The following DLG2 variants were observed in gnomAD, a reference collection of about 807,000 sequenced individuals.
DLG2 encodes the protein discs large MAGUK scaffold protein 2.
DLG2 carries 45 observed loss-of-function variants against 132.5 expected under a neutral mutation model. The ratio of observed to expected loss-of-function variants is 0.34; its 90% confidence interval spans 0.27 to 0.44. The LOEUF is 0.44. DLG2 is among the 20% of genes least tolerant of loss of function. The pLI is 1.00. For synonymous variants in DLG2, 424 were observed against 419.6 expected, an observed-to-expected ratio of 1.01 and a Z score of -0.13; for missense variants, 1,045 against 1,196.9, an observed-to-expected ratio of 0.87 and a Z score of 1.87.
At chr11:85,391,019 AT>A (rs2086753055) in intron 3 of DLG2, among the ~76,000 whole-genome samples, 1 of 152,108 alleles carries the variant, frequency 6.6e-6, no homozygotes, top group Admixed American at 6.6e-5. Flanking sequence ...GAAAAGATAA[AT>A]AAAATTGATA....
intron 5 of DLG2, among the ~76,000 whole-genome samples, chr11:85,127,729 T>G (rs2075296895): frequency 6.6e-6 from 1 of 152,228 alleles, no homozygotes; most frequent in Non-Finnish European, 1.5e-5. Context: ...GGAAACCATT[T>G]GTTGCCTTGG....
At chr11:84,992,018 T>C (rs955683666) in intron 6 of DLG2, among the ~76,000 whole-genome samples, 2 of 152,188 alleles carry the variant, frequency 1.3e-5, no homozygotes, top group African/African-American at 4.8e-5. Context: ...CATCTAAGTT[T>C]TAAATCCATT....
intron 9 of DLG2, among the ~76,000 whole-genome samples, chr11:84,160,502 A>AAT (rs2095523316): frequency 6.6e-6 from 1 of 152,190 alleles, no homozygotes; most frequent in Admixed American, 6.5e-5. Flanking sequence ...AAATTTAAAA[A>AAT]ATGAGGTAAT....
chr11:84,736,894 T>A (rs1366532870), intron 6 of DLG2, among the ~76,000 whole-genome samples: 2 of 151,986 alleles, frequency 1.3e-5, no homozygotes, highest in African/African-American at 4.8e-5. Flanking sequence ...TCCAGAACAA[T>A]GTTGCACAAA....
chr11:83,602,547 A>G (rs1186965673), intron 19 of DLG2, among the ~76,000 whole-genome samples: 1 of 152,226 alleles, frequency 6.6e-6, no homozygotes, highest in African/African-American at 2.4e-5. Flanking sequence ...ACGTTAAACC[A>G]AGAAAGAGAT....
chr11:85,029,809 G>A (rs1056788706), intron 6 of DLG2, among the ~76,000 whole-genome samples: 2 of 152,158 alleles, frequency 1.3e-5, no homozygotes, highest in South Asian at 2.1e-4. Context: ...TCCTTCAAGT[G>A]ATTCTCCTGC....
intron 18 of DLG2, among the ~76,000 whole-genome samples, chr11:83,783,114 T>G (rs1227094277): frequency 6.6e-6 from 1 of 152,238 alleles, no homozygotes; most frequent in Admixed American, 6.5e-5. Flanking sequence ...AAGTGCATGA[T>G]AAAATTGAAT....
At chr11:84,969,864 G>T (rs1272339538) in intron 6 of DLG2, among the ~76,000 whole-genome samples, 1 of 152,156 alleles carries the variant, frequency 6.6e-6, no homozygotes, top group African/African-American at 2.4e-5. Context: ...CATGTCCTTT[G>T]CAGGGACATG....
At chr11:84,617,034 T>C (rs549477089) in intron 6 of DLG2, among the ~76,000 whole-genome samples, 1 of 151,936 alleles carries the variant, frequency 6.6e-6, no homozygotes, top group Non-Finnish European at 1.5e-5. Flanking sequence ...GTGCAGAATG[T>C]GCAGGTTTGT....
At chr11:84,016,848 T>C (rs574789429) in intron 11 of DLG2, among the ~76,000 whole-genome samples, 2 of 152,172 alleles carry the variant, frequency 1.3e-5, no homozygotes, top group South Asian at 2.1e-4. Flanking sequence ...AAGATTTACA[T>C]AGAATCTGAG....
At chr11:84,328,206 T>C (rs1414244527) in intron 7 of DLG2, among the ~76,000 whole-genome samples, 1 of 150,848 alleles carries the variant, frequency 6.6e-6, no homozygotes, top group Non-Finnish European at 1.5e-5. Context: ...AAAAATAACA[T>C]TATGGTAATG....
chr11:84,544,472 G>T (rs143245316), intron 6 of DLG2, among the ~76,000 whole-genome samples: 5 of 152,012 alleles, frequency 3.3e-5, no homozygotes, highest in African/African-American at 1.2e-4. Context: ...GAAAACAGAG[G>T]GTCAGAGAGT....
intron 11 of DLG2, among the ~76,000 whole-genome samples, chr11:84,041,108 A>C (rs1217472547): frequency 6.6e-6 from 1 of 151,948 alleles, no homozygotes; most frequent in African/African-American, 2.4e-5. Context: ...TTATCAGCTT[A>C]AGGAGATTTT....
intron 21 of DLG2, among the ~76,000 whole-genome samples, chr11:83,521,068 C>T (rs1012732942): frequency 3.9e-5 from 6 of 152,288 alleles, no homozygotes; most frequent in African/African-American, 1.4e-4. Flanking sequence ...TTCCCCCAGG[C>T]CCTAGAACAG....
intron 7 of DLG2, among the ~76,000 whole-genome samples, chr11:84,267,318 G>A (rs2154361543): frequency 6.6e-6 from 1 of 152,302 alleles, no homozygotes; most frequent in Non-Finnish European, 1.5e-5. Flanking sequence ...GAGGGAAAAG[G>A]CATGTCTTCT....
At chr11:83,620,661 G>A (rs1312914401) in intron 19 of DLG2, among the ~76,000 whole-genome samples, 1 of 151,718 alleles carries the variant, frequency 6.6e-6, no homozygotes. Context: ...ACGAGGTCAG[G>A]AGATCGAGAC....
intron 6 of DLG2, among the ~76,000 whole-genome samples, chr11:85,058,624 C>T (rs901239022): frequency 1.3e-5 from 2 of 151,356 alleles, no homozygotes; most frequent in Non-Finnish European, 3.0e-5. Context: ...CTTACACTAC[C>T]AGATATTAAA....
intron 6 of DLG2, among the ~76,000 whole-genome samples, chr11:84,993,260 C>T (rs577359646): frequency 1.1e-4 from 17 of 152,094 alleles, no homozygotes; most frequent in African/African-American, 2.9e-4. Flanking sequence ...TGGGGCCTGT[C>T]GGAGGGTGGG....
chr11:83,891,534 C>G lies in DLG2; in HGVS notation c.1497-17046G>C, dbSNP rs140715495. Among the ~76,000 whole-genome samples, 255 of 152,266 alleles carry G rather than the reference C, an allele frequency of 1.7e-3. 1 individual carries two copies. The highest frequency in any genetic ancestry group is 5.2e-3 in the African/African-American group (218 of 41,550). On this transcript the variant is annotated intron_variant, in intron 15 of 27. Transcript: ENST00000376104. ...TTTAGAATAAGCCTTTCATGATCCTCAGGTTTATAAAACAGCTGGAAAAGG... is the reference window on the plus strand; with the variant it reads ...TTTAGAATAAGCCTTTCATGATCCTGAGGTTTATAAAACAGCTGGAAAAGG...
Sources: gnomAD v4.1 joint callset for allele counts (sites outside exome capture counted in the v4.1 genomes callset) on GRCh38, gnomAD v4.1.1 for gene constraint, MANE v1.5 for transcripts, NCBI Gene and HGNC (gene_info 2026-07-23, HGNC 2026-07-21) for gene names.